The following KIF4A variants were observed in gnomAD, a reference collection of about 807,000 sequenced individuals.
KIF4A encodes chromosome-associated kinesin KIF4A.
In KIF4A, 7 loss-of-function variants were observed where a neutral mutation model predicts 105.9. That is an observed-to-expected ratio of 0.07 (90% CI 0.04 to 0.12). KIF4A has a LOEUF of 0.12. KIF4A is among the 10% of genes least tolerant of loss of function. The pLI is 1.00. For missense variants in KIF4A, 558 were observed against 929.2 expected (o/e 0.60, Z 5.19); for synonymous variants, 281 against 331.3 (o/e 0.85, Z 1.65).
chrX:70,400,762 TG>T (rs972353407), intron 22 of KIF4A, among the ~76,000 whole-genome samples: 1 of 111,203 alleles, frequency 9.0e-6, no homozygotes, highest in Non-Finnish European at 1.9e-5. Context: ...AATAGGTTTA[TG>T]TTTTTTTTTT....
At chrX:70,391,805 G>T (rs992559021) in intron 20 of KIF4A, among the ~76,000 whole-genome samples, 27 of 110,981 alleles carry the variant, frequency 2.4e-4, no homozygotes, top group African/African-American at 8.8e-4. Context: ...GGTGCCTATT[G>T]TTCCCTTCTT....
intron 28 of KIF4A, among the ~76,000 whole-genome samples, chrX:70,416,345 CTTTT>C (rs376059238): frequency 2.8e-3 from 173 of 62,754 alleles, no homozygotes; most frequent in African/African-American, 0.011. Context: ...TCTGCACAGT[CTTTT>C]TTTTTTTTTT....
intron 7 of KIF4A, among the ~76,000 whole-genome samples, chrX:70,309,709 T>A (rs895602086): frequency 8.9e-6 from 1 of 112,606 alleles, no homozygotes; most frequent in Non-Finnish European, 1.9e-5. Context: ...AATCACCTCA[T>A]GTAGTTATAT....
At chrX:70,379,460 T>C (rs893946485) in intron 18 of KIF4A, among the ~76,000 whole-genome samples, 13 of 111,847 alleles carry the variant, frequency 1.2e-4, no homozygotes, top group African/African-American at 4.2e-4. Flanking sequence ...CACAGATGGC[T>C]TCACTGGTGA....
intron 13 of KIF4A, among the ~76,000 whole-genome samples, chrX:70,348,846 C>T (rs1003473334): frequency 3.6e-5 from 4 of 112,376 alleles, no homozygotes; most frequent in East Asian, 2.8e-4. Flanking sequence ...CATCATGGCC[C>T]GTTCTCAATG....
At chrX:70,296,083 CTT>C (rs386417082) in intron 3 of KIF4A, among the ~76,000 whole-genome samples, 1 of 65,035 alleles carries the variant, frequency 1.5e-5, no homozygotes. Flanking sequence ...ATAAATGATG[CTT>C]TTTTTTTTTT....
intron 3 of KIF4A, among the ~76,000 whole-genome samples, chrX:70,292,422 C>T (rs952574522): frequency 1.8e-5 from 2 of 111,973 alleles, no homozygotes; most frequent in Non-Finnish European, 3.8e-5. Context: ...TTTTGTAAAC[C>T]TTTTCTCAAT....
chrX:70,420,013 C>A, intron 30 of KIF4A, 49 bp from the exon 31 acceptor site: 1 of 1,133,391 alleles, frequency 8.8e-7, no homozygotes, highest in Non-Finnish European at 1.2e-6. Flanking sequence ...CTGGGCTGAG[C>A]TTCTGCCCCT....
chrX:70,349,632 G>A (rs1187916310), intron 13 of KIF4A, among the ~76,000 whole-genome samples: 3 of 95,715 alleles, frequency 3.1e-5, no homozygotes, highest in Non-Finnish European at 4.2e-5. Flanking sequence ...GGGCAGAGGC[G>A]CTCCTCACTT....
chrX:70,320,674 G>A (rs1043142945), intron 7 of KIF4A, among the ~76,000 whole-genome samples: 3 of 111,845 alleles, frequency 2.7e-5, no homozygotes, highest in Admixed American at 1.9e-4. Flanking sequence ...GGCCAAGAAG[G>A]GTGTGGGAGT....
intron 15 of KIF4A, among the ~76,000 whole-genome samples, chrX:70,367,887 C>G (rs1450165845): frequency 1.8e-5 from 2 of 112,161 alleles, no homozygotes; most frequent in Non-Finnish European, 3.8e-5. Context: ...TTCAGGTACA[C>G]CAATCAGACA....
At chrX:70,377,763 C>T (rs1261280896) in intron 18 of KIF4A, among the ~76,000 whole-genome samples, 2 of 111,322 alleles carry the variant, frequency 1.8e-5, no homozygotes, top group African/African-American at 3.3e-5. Context: ...TGATGAAACA[C>T]CGTGTCTATT....
In KIF4A at chrX:70,418,584, A is replaced by C. The variant is rs1463760136; in HGVS notation, c.3372+580A>C. On this transcript the variant is annotated intron_variant, in intron 29 of 30. Coordinates refer to ENST00000374403, the MANE Select transcript of KIF4A (RefSeq NM_012310.5). ...TATTGCTCCCAGGAATAGCAAACTC[A>C]GGAAAACCAAATGTTCCCTGGGAAG... 2.7e-5 allele frequency among the ~76,000 whole-genome samples: 3 copies of C among 111,720 alleles called. No individual in the cohort carries two copies. In the Admixed American group the frequency reaches 2.9e-4, roughly 11 times the overall value.
intron 13 of KIF4A, among the ~76,000 whole-genome samples, chrX:70,344,682 T>G (rs1394860340): frequency 8.9e-6 from 1 of 112,209 alleles, no homozygotes; most frequent in Non-Finnish European, 1.9e-5. Flanking sequence ...CTCTGTTGTT[T>G]ATTATTCTGA....
intron 15 of KIF4A, among the ~76,000 whole-genome samples, chrX:70,368,963 A>G (rs866068691): frequency 8.1e-5 from 9 of 111,691 alleles, no homozygotes; most frequent in Non-Finnish European, 1.7e-4. Flanking sequence ...CGCCCCTCCC[A>G]CAGCCTCATT....
At chrX:70,387,945 T>C (rs778112264) in intron 20 of KIF4A, among the ~76,000 whole-genome samples, 4 of 111,720 alleles carry the variant, frequency 3.6e-5, no homozygotes, top group African/African-American at 6.5e-5. Context: ...ATCAAGATAA[T>C]GACAGTGTGC....
At chrX:70,332,570 T>C (rs1464191146) in intron 9 of KIF4A, among the ~76,000 whole-genome samples, 1 of 111,379 alleles carries the variant, frequency 9.0e-6, no homozygotes, top group African/African-American at 3.3e-5. Flanking sequence ...AAGAGAAAAA[T>C]AGGGCAAGAG....
chrX:70,298,042 G>A (rs939378712), intron 4 of KIF4A, among the ~76,000 whole-genome samples: 1 of 109,308 alleles, frequency 9.1e-6, no homozygotes, highest in Non-Finnish European at 1.9e-5. Flanking sequence ...AGGCCAGGGC[G>A]GGAGGATCAC....
chrX:70,334,983 G>A (rs61237485), intron 10 of KIF4A, among the ~76,000 whole-genome samples: 256 of 111,833 alleles, frequency 2.3e-3, no homozygotes, highest in African/African-American at 7.9e-3. Flanking sequence ...AAAACAGCAT[G>A]GAGGTTCCTA....
Sources: allele counts gnomAD v4.1 joint callset (sites outside exome capture counted in the v4.1 genomes callset), GRCh38; gene constraint gnomAD v4.1.1; transcripts MANE v1.5; gene names NCBI Gene and HGNC (gene_info 2026-07-23, HGNC 2026-07-21).